Variants in CNTNAP4 observed in about 807,000 individuals in gnomAD.
The protein encoded by CNTNAP4 is contactin associated protein family member 4.
A neutral mutation model predicts 148.4 loss-of-function variants in CNTNAP4; 98 were observed. That is an observed-to-expected ratio of 0.66 (90% CI 0.56 to 0.78). The LOEUF is 0.78. Among genes scored for constraint, CNTNAP4 ranks in the 30% least tolerant of loss-of-function variants. The probability of loss-of-function intolerance (pLI) is 0.00; values close to 1 mark genes in which losing one functional copy is unlikely to be tolerated. For missense variants in CNTNAP4, 1,935 were observed against 1,565.6 expected (o/e 1.24, Z -3.98); for synonymous variants, 730 against 565.1 (o/e 1.29, Z -4.14).
Position 76,353,412 on chromosome 16 carries a change from A to G in CNTNAP4, c.197-1906A>G, listed in dbSNP as rs567108185. 7.2e-5 allele frequency among the ~76,000 whole-genome samples: 11 copies of G among 152,250 alleles called. No homozygotes were observed. The East Asian group carries it at 1.7e-3, about 24-fold the overall frequency. ...TACATGTGCAGTTTGTTGTAATGCA[A>G]TTTTTTAAAATGCTGCTTTGACACA... is the stretch of plus-strand genomic sequence containing the variant. On this transcript the variant is annotated intron_variant, in intron 2 of 23. Transcript: ENST00000611870.
intron 12 of CNTNAP4, among the ~76,000 whole-genome samples, chr16:76,486,994 CAGGT>C (rs879422424): frequency 4.6e-5 from 7 of 152,120 alleles, no homozygotes; most frequent in Non-Finnish European, 1.0e-4. Context: ...ATAGATTAGA[CAGGT>C]AGGTAGGTAG....
At chr16:76,293,232 C>G (rs1157539842) in intron 1 of CNTNAP4, among the ~76,000 whole-genome samples, 1 of 152,014 alleles carries the variant, frequency 6.6e-6, no homozygotes. Flanking sequence ...TCGAGCGATT[C>G]TCCTGCCTCA....
At chr16:76,412,766 T>C (rs555613990) in intron 3 of CNTNAP4, among the ~76,000 whole-genome samples, 64 of 151,590 alleles carry the variant, frequency 4.2e-4, no homozygotes, top group Middle Eastern at 3.4e-3. Context: ...GTGGTTTCTT[T>C]CTATTATAAC....
chr16:76,443,382 C>T (rs909295647), intron 4 of CNTNAP4, among the ~76,000 whole-genome samples: 62 of 152,108 alleles, frequency 4.1e-4, no homozygotes, highest in African/African-American at 1.5e-3. Context: ...AAAAGATTGT[C>T]TTCCCAGCCT....
intron 8 of CNTNAP4, among the ~76,000 whole-genome samples, chr16:76,454,386 A>G (rs557085695): frequency 6.6e-6 from 1 of 152,350 alleles, no homozygotes; most frequent in South Asian, 2.1e-4. Context: ...ATTACTAGGT[A>G]TAAGTCTCAT....
chr16:76,421,697 A>G (rs1204599201), intron 3 of CNTNAP4, among the ~76,000 whole-genome samples: 1 of 150,562 alleles, frequency 6.6e-6, no homozygotes, highest in African/African-American at 2.4e-5. Flanking sequence ...TCAGCTGACT[A>G]TGTCAAAATG....
intron 3 of CNTNAP4, among the ~76,000 whole-genome samples, chr16:76,420,008 G>T (rs2079121613): frequency 1.3e-5 from 2 of 151,916 alleles, no homozygotes; most frequent in Admixed American, 6.6e-5. Flanking sequence ...CTTCAACATA[G>T]AATTTTGAGA....
intron 2 of CNTNAP4, among the ~76,000 whole-genome samples, chr16:76,317,264 ACAAAAAAAAAAAC>A (rs1296638703): frequency 7.9e-6 from 1 of 126,564 alleles, no homozygotes; most frequent in East Asian, 2.1e-4. Context: ...AAAAAAAAAA[ACAAAAAAAAAAAC>A]CAAAAAAAAA....
At chr16:76,512,103 A>T (rs1358587334) in intron 15 of CNTNAP4, among the ~76,000 whole-genome samples, 1 of 151,918 alleles carries the variant, frequency 6.6e-6, no homozygotes, top group Non-Finnish European at 1.5e-5. Flanking sequence ...TAGATGGTAT[A>T]CTCATGGAAC....
intron 14 of CNTNAP4, among the ~76,000 whole-genome samples, chr16:76,497,832 T>TA (rs2082456448): frequency 6.6e-6 from 1 of 151,532 alleles, no homozygotes; most frequent in Admixed American, 6.6e-5. Flanking sequence ...TCCTAGAACT[T>TA]AAAGTATAAT....
chr16:76,394,791 G>A (rs1420232551), intron 3 of CNTNAP4, among the ~76,000 whole-genome samples: 1 of 151,960 alleles, frequency 6.6e-6, no homozygotes, highest in South Asian at 2.1e-4. Flanking sequence ...AACTTAGAAG[G>A]ACTCTGATTT....
At chr16:76,373,701 T>A (rs773739342) in intron 3 of CNTNAP4, among the ~76,000 whole-genome samples, 1 of 151,620 alleles carries the variant, frequency 6.6e-6, no homozygotes, top group Non-Finnish European at 1.5e-5. Context: ...TCAAGACCAG[T>A]CTGGCCAACA....
chr16:76,519,204 G>T (rs1011417010), intron 15 of CNTNAP4, among the ~76,000 whole-genome samples: 2 of 151,994 alleles, frequency 1.3e-5, no homozygotes, highest in African/African-American at 4.8e-5. Flanking sequence ...TTTTGTGAAC[G>T]TATAAAATAA....
chr16:76,319,816 G>C (rs185702179), intron 2 of CNTNAP4, among the ~76,000 whole-genome samples: 4 of 152,328 alleles, frequency 2.6e-5, no homozygotes, highest in African/African-American at 9.6e-5. Context: ...AGCCCACAGA[G>C]GGAGTATGGC....
chr16:76,282,364 A>G (rs1186429848), intron 1 of CNTNAP4, among the ~76,000 whole-genome samples: 1 of 151,916 alleles, frequency 6.6e-6, no homozygotes, highest in Non-Finnish European at 1.5e-5. Context: ...TATAAGTTCA[A>G]TGAAGTATAT....
At chr16:76,392,212 G>T (rs968554505) in intron 3 of CNTNAP4, among the ~76,000 whole-genome samples, 14 of 152,010 alleles carry the variant, frequency 9.2e-5, no homozygotes, top group Non-Finnish European at 1.3e-4. Flanking sequence ...CAGGCTTGTC[G>T]TGAACTCCTG....
chr16:76,438,289 T>C (rs1425090927), intron 4 of CNTNAP4, among the ~76,000 whole-genome samples: 3 of 152,070 alleles, frequency 2.0e-5, no homozygotes, highest in Non-Finnish European at 2.9e-5. Flanking sequence ...CAAGCAGCCC[T>C]AGAGAAAGCA....
At chr16:76,391,130 A>G (rs1321811960) in intron 3 of CNTNAP4, among the ~76,000 whole-genome samples, 2 of 152,156 alleles carry the variant, frequency 1.3e-5, no homozygotes, top group Non-Finnish European at 2.9e-5. Flanking sequence ...GTACACATTA[A>G]CTATCCCTAC....
intron 11 of CNTNAP4, among the ~76,000 whole-genome samples, chr16:76,477,325 A>AC (rs1263210491): frequency 2.0e-5 from 3 of 151,532 alleles, no homozygotes; most frequent in Admixed American, 2.0e-4. Context: ...TTTCCCCCCC[A>AC]TTTTTTCCGA....
Sources: allele counts gnomAD v4.1 joint callset (sites outside exome capture counted in the v4.1 genomes callset), GRCh38; gene constraint gnomAD v4.1.1; transcripts MANE v1.5; gene names NCBI Gene and HGNC (gene_info 2026-07-23, HGNC 2026-07-21).